Variants in NAV2 observed in about 807,000 individuals in gnomAD.
The protein encoded by NAV2 is helicase, APC down-regulated 1.
A neutral mutation model predicts 223.2 loss-of-function variants in NAV2; 54 were observed. That is an observed-to-expected ratio of 0.24 (90% CI 0.19 to 0.30). The LOEUF (loss-of-function observed/expected upper bound fraction) is 0.30, where lower values mean the gene tolerates loss of function less well. Among genes scored for constraint, NAV2 ranks in the 10% least tolerant of loss-of-function variants. NAV2 has a pLI of 1.00. For synonymous variants in NAV2, 1,279 were observed against 1,239.3 expected, an observed-to-expected ratio of 1.03 and a Z score of -0.67; for missense variants, 2,806 against 3,147.5, an observed-to-expected ratio of 0.89 and a Z score of 2.60.
chr11:20,107,826 T>C (rs537054864), intron 36 of NAV2, 44 bp downstream of exon 36: 1 of 1,337,024 alleles, frequency 7.5e-7, no homozygotes, highest in South Asian at 1.2e-5. Flanking sequence ...TGAGGGGGAC[T>C]GTTCTGGTGA....
chr11:19,472,145 G>A (rs1387362047), intron 1 of NAV2, among the ~76,000 whole-genome samples: 2 of 152,168 alleles, frequency 1.3e-5, no homozygotes, highest in African/African-American at 4.8e-5. Context: ...TGGGAGATTA[G>A]ACTGTGTTTT....
chr11:19,382,485 A>G (rs908043880), intron 1 of NAV2, among the ~76,000 whole-genome samples: 2 of 152,146 alleles, frequency 1.3e-5, no homozygotes, highest in African/African-American at 4.8e-5. Flanking sequence ...CTCCAGCCAG[A>G]TGCTCCGGCA....
chr11:19,620,164 C>T (rs1421390247), intron 1 of NAV2, among the ~76,000 whole-genome samples: 3 of 152,052 alleles, frequency 2.0e-5, no homozygotes, highest in Non-Finnish European at 4.4e-5. Context: ...TTACTGTAGC[C>T]TTGTAGTATA....
chr11:20,050,896 C>G (rs901682746), intron 16 of NAV2, among the ~76,000 whole-genome samples: 2 of 152,228 alleles, frequency 1.3e-5, no homozygotes, highest in African/African-American at 4.8e-5. Flanking sequence ...GTTAGGGGTG[C>G]AGGGAAGTGG....
intron 1 of NAV2, among the ~76,000 whole-genome samples, chr11:19,393,485 G>A (rs117193255): frequency 0.026 from 4,024 of 152,240 alleles, 75 homozygotes; most frequent in Non-Finnish European, 0.04. Flanking sequence ...GGGAAGCTGC[G>A]GATCCCTTTG....
intron 1 of NAV2, among the ~76,000 whole-genome samples, chr11:19,611,499 C>T (rs1279793500): frequency 6.6e-6 from 1 of 152,228 alleles, no homozygotes; most frequent in Non-Finnish European, 1.5e-5. Flanking sequence ...AAGCTAGTGA[C>T]TTCCTAGATA....
rs4757879 is a variant in NAV2, at chr11:19,998,551, G to T, written c.2768+14304G>T. On this transcript the variant is annotated intron_variant, in intron 11 of 37. Transcript: ENST00000349880. This position sits in a 1 kb window ranked among gnomAD's most constrained non-coding sequence, Gnocchi z 5.0. ...AGACTCCTTGCCGTGGCCTCCAAGG[G>T]GGTGTGTGTTCTGGCCCCTGCGCAC... is the stretch of plus-strand genomic sequence containing the variant. Among the ~76,000 whole-genome samples the T allele has an allele frequency of 0.52, 79,414 of 151,846 alleles. 21,001 individuals carry two copies. Among genetic ancestry groups the T allele is most frequent in the Admixed American group, 0.6 (9,116 of 15,274 alleles).
chr11:19,497,710 A>G (rs1236584661), intron 1 of NAV2, among the ~76,000 whole-genome samples: 1 of 152,086 alleles, frequency 6.6e-6, no homozygotes, highest in Non-Finnish European at 1.5e-5. Flanking sequence ...CGCCACCTGA[A>G]TTTGTGACCC....
At chr11:19,708,139 T>C (rs1354944543), upstream of NAV2, among the ~76,000 whole-genome samples, 1 of 152,168 alleles carries the variant, frequency 6.6e-6, no homozygotes, top group Non-Finnish European at 1.5e-5. Flanking sequence ...AGTTTGAGAT[T>C]GGAAGTGAGT....
At chr11:19,573,380 G>A (rs754732685) in intron 1 of NAV2, among the ~76,000 whole-genome samples, 15 of 152,170 alleles carry the variant, frequency 9.9e-5, no homozygotes, top group Non-Finnish European at 1.8e-4. Flanking sequence ...GGTCTTTGAA[G>A]TCAGGGATTT....
intron 11 of NAV2, among the ~76,000 whole-genome samples, chr11:20,018,939 GA>G (rs1485252541): frequency 6.6e-6 from 1 of 152,306 alleles, no homozygotes; most frequent in East Asian, 1.9e-4. Flanking sequence ...GAGGGCCTAG[GA>G]AGTGGGAAGA....
At chr11:19,803,017 G>A (rs751465705) in intron 1 of NAV2, among the ~76,000 whole-genome samples, 3 of 152,158 alleles carry the variant, frequency 2.0e-5, no homozygotes, top group Non-Finnish European at 2.9e-5. Flanking sequence ...GCACAGAGAC[G>A]GTTGTGTGTT....
intron 2 of NAV2, among the ~76,000 whole-genome samples, chr11:19,839,704 G>A (rs371114240): frequency 2.0e-5 from 3 of 152,222 alleles, no homozygotes; most frequent in African/African-American, 7.2e-5. Flanking sequence ...ATCCTTTAAT[G>A]AAGTCTTTTG....
At chr11:20,001,622 G>A (rs948731955) in intron 11 of NAV2, among the ~76,000 whole-genome samples, 6 of 147,162 alleles carry the variant, frequency 4.1e-5, no homozygotes, top group Non-Finnish European at 7.4e-5. Context: ...GCAAGCCACC[G>A]CATGTTCTCA....
chr11:19,432,929 C>G (rs1003474794), intron 1 of NAV2, among the ~76,000 whole-genome samples: 3 of 152,130 alleles, frequency 2.0e-5, no homozygotes, highest in Admixed American at 2.0e-4. Flanking sequence ...TCCAGCTCAC[C>G]CAGAACCACA....
At chr11:19,433,748 C>A (rs1851116067) in intron 1 of NAV2, among the ~76,000 whole-genome samples, 1 of 152,190 alleles carries the variant, frequency 6.6e-6, no homozygotes, top group Non-Finnish European at 1.5e-5. Context: ...GCAGTTGTGA[C>A]CACTGTTGGC....
At chr11:20,008,874 TTTAAATTGCTTTGC>T (rs1474406467) in intron 11 of NAV2, among the ~76,000 whole-genome samples, 9 of 152,234 alleles carry the variant, frequency 5.9e-5, no homozygotes, top group African/African-American at 1.9e-4. Flanking sequence ...TTTTTATTAC[TTTAAATTGCTTTGC>T]TTAAATAGAA....
intron 1 of NAV2, among the ~76,000 whole-genome samples, chr11:19,442,132 G>A (rs925671585): frequency 2.0e-5 from 3 of 152,250 alleles, no homozygotes; most frequent in Admixed American, 1.3e-4. Context: ...CTGCTGTGGC[G>A]GAAGTGGAGT....
chr11:19,350,363 T>G (rs1282345769), upstream of NAV2, among the ~76,000 whole-genome samples: 1 of 152,188 alleles, frequency 6.6e-6, no homozygotes, highest in African/African-American at 2.4e-5. Context: ...GTTGAACGTT[T>G]TCTCCTCAGG....
Sources: allele counts gnomAD v4.1 joint callset (sites outside exome capture counted in the v4.1 genomes callset), GRCh38; gene constraint gnomAD v4.1.1; non-coding constraint Gnocchi (gnomAD v3.1); transcripts MANE v1.5; gene names NCBI Gene and HGNC (gene_info 2026-07-23, HGNC 2026-07-21).